The following NPR3 variants were observed in gnomAD, a reference collection of about 807,000 sequenced individuals.
NPR3 encodes the protein natriuretic peptide receptor 3.
A neutral mutation model predicts 54.5 loss-of-function variants in NPR3; 34 were observed. The ratio of observed to expected loss-of-function variants is 0.62; its 90% CI spans 0.47 to 0.83. NPR3 has a LOEUF of 0.83. Ranked by LOEUF, NPR3 falls within the 40% of genes least tolerant of loss-of-function variation. The pLI is 0.00. For missense variants in NPR3, 674 were observed against 720.8 expected, an observed-to-expected ratio of 0.94 and a Z score of 0.74; for synonymous variants, 289 against 297.1, an observed-to-expected ratio of 0.97 and a Z score of 0.28.
chr5:32,708,727 A>C (rs1048102086), upstream of NPR3, among the ~76,000 whole-genome samples: 2 of 152,202 alleles, frequency 1.3e-5, no homozygotes, highest in Admixed American at 6.5e-5. Context: ...TTGGTTGCAA[A>C]AATTCTAACT....
chr5:32,694,665 A>G (rs1740480881), intron 1 of NPR3, among the ~76,000 whole-genome samples: 1 of 152,230 alleles, frequency 6.6e-6, no homozygotes, highest in South Asian at 2.1e-4. Flanking sequence ...TGGGATATCC[A>G]TAACCTCAAG....
rs1048532971 is a variant in NPR3 at position 32,789,822 on chromosome 5, T to G, written c.*3477T>G. The G allele has an allele frequency of 4.1e-6, 2 of 487,046 alleles. No homozygotes were observed. The highest frequency in any genetic ancestry group is 4.5e-5 in the Admixed American group (2 of 44,718). 30.2% of individuals were successfully genotyped at this position (487,046 alleles called of 1,614,324 possible). A position where few individuals can be genotyped will look rare whatever the true frequency, so the allele number is the denominator to read the frequency against. ...AGTAGGTTCCAGTGGCGTCACTACC[T>G]TCTTGTAAGCCAGTATACACTGGCT... On this transcript the variant is annotated 3_prime_UTR_variant, in exon 8 of 8. Transcript: ENST00000265074.
At chr5:32,749,698 C>T (rs1300644818) in intron 3 of NPR3, among the ~76,000 whole-genome samples, 2 of 152,170 alleles carry the variant, frequency 1.3e-5, no homozygotes, top group African/African-American at 2.4e-5. Flanking sequence ...AAAGTCTCAC[C>T]TTTAGGACTG....
At chr5:32,715,458 CATACT>C (rs1331063381) in intron 1 of NPR3, among the ~76,000 whole-genome samples, 1 of 152,080 alleles carries the variant, frequency 6.6e-6, no homozygotes, top group Non-Finnish European at 1.5e-5. Flanking sequence ...TTTCACATGG[CATACT>C]GTAGAAAGAA....
Position 32,711,599 on chromosome 5 carries a change from G to A in NPR3, c.-178G>A. The A allele has an allele frequency of 8.0e-7, 1 of 1,243,930 alleles. No homozygotes were observed. Among genetic ancestry groups the A allele is most frequent in the East Asian group, 3.2e-5 (1 of 31,718 alleles). The allele number at this position is 1,243,930 out of a possible 1,614,324, so 77.1% of individuals were successfully genotyped here. On this transcript the variant is annotated 5_prime_UTR_variant, in exon 1 of 8. Transcript: ENST00000265074. ...TTTAAGAAAAACTAGTGACATTGCA[G>A]AGAAGGACGCTTCCTCTCTATCTTT...
At position 32,712,172 on chromosome 5, in the gene NPR3, G is replaced by C; in HGVS notation, c.396G>C (p.Leu132=). The C allele has an allele frequency of 6.2e-7, 1 of 1,613,228 alleles. No homozygotes were observed. Among genetic ancestry groups the C allele is most frequent in the Non-Finnish European group, 8.5e-7 (1 of 1,179,774 alleles). The change falls in exon 1 of 8, where the codon CTG becomes CTC. Residue 132 remains leucine, a synonymous_variant. Coordinates refer to ENST00000265074, the MANE Select transcript of NPR3 (RefSeq NM_001204375.2). ...GGGGCGCCAAGCCAGACCTTATCCTGGGGCCAGTGTGCGAGTATGCAGCAG... is the reference window on the plus strand; with the variant it reads ...GGGGCGCCAAGCCAGACCTTATCCTCGGGCCAGTGTGCGAGTATGCAGCAG... ...AARGAKPDLI[L]GPVCEYAAAP...
chr5:32,756,222 G>A (rs1334211815), intron 3 of NPR3, among the ~76,000 whole-genome samples: 3 of 152,224 alleles, frequency 2.0e-5, no homozygotes, highest in Non-Finnish European at 2.9e-5. Flanking sequence ...CCCACCAACA[G>A]TGTAAAAGTG....
Position 32,712,138 on chromosome 5 carries a change from C to T in NPR3, c.362C>T (p.Ala121Val), listed in dbSNP as rs1362759566. ...RALFSLVDRV[A>V]AARGAKPDLI... ...CTCTTCAGCTTGGTGGACCGCGTGG[C>T]GGCGGCGCGGGGCGCCAAGCCAGAC... Residue 121 changes from alanine (A) to valine (V), a missense_variant, in exon 1 of 8, where the codon GCG becomes GTG. By Grantham distance (64) the Ala-to-Val change is moderately conservative. Coordinates refer to ENST00000265074, the MANE Select transcript of NPR3 (RefSeq NM_001204375.2). 4 of 1,613,498 alleles carry T rather than the reference C, an allele frequency of 2.5e-6. No homozygotes were observed. The highest frequency in any genetic ancestry group is 3.4e-6 in the Non-Finnish European group (4 of 1,179,786).
chr5:32,730,254 A>G (rs1450711951), intron 2 of NPR3, among the ~76,000 whole-genome samples: 5 of 152,236 alleles, frequency 3.3e-5, no homozygotes, highest in Non-Finnish European at 7.3e-5. Context: ...TTTTAACAAA[A>G]TTCAACACTC....
intron 7 of NPR3, 125 bp from the exon 8 acceptor site, chr5:32,786,109 T>C: frequency 1.7e-6 from 1 of 594,400 alleles, no homozygotes; most frequent in South Asian, 2.3e-5. Context: ...GACCAGGGTT[T>C]CATATTCTGT....
At chr5:32,758,564 C>A (rs1365489789) in intron 3 of NPR3, among the ~76,000 whole-genome samples, 1 of 147,426 alleles carries the variant, frequency 6.8e-6, no homozygotes, top group Non-Finnish European at 1.5e-5. Context: ...CTCCTGGATG[C>A]ATTGATTTTT....
rs746756311 is a variant in NPR3, at chr5:32,774,671, G to A, written c.1060-37G>A. The A allele has an allele frequency of 2.6e-6, 4 of 1,553,092 alleles. No individual in the cohort carries two copies. The South Asian group carries it at 4.5e-5, about 17-fold the overall frequency. ...ATCTTATTCCTGGCATGAGTCACTT[G>A]GTGTTTTGGTTCACCCATCTGGGGT... is the stretch of plus-strand genomic sequence containing the variant. On this transcript the variant is annotated intron_variant, in intron 3 of 7. Transcript: ENST00000265074.
At chr5:32,775,034 C>T (rs1299907854) in intron 4 of NPR3, among the ~76,000 whole-genome samples, 191 bp downstream of exon 4, 2 of 152,134 alleles carry the variant, frequency 1.3e-5, no homozygotes, top group Non-Finnish European at 2.9e-5. Context: ...TGAACAAGCC[C>T]CACTGAAAGA....
intron 3 of NPR3, among the ~76,000 whole-genome samples, chr5:32,774,469 A>T (rs1741933672): frequency 6.6e-6 from 1 of 152,180 alleles, no homozygotes; most frequent in African/African-American, 2.4e-5. Flanking sequence ...CCTGGTCAAC[A>T]GGTACAGTTT....
At chr5:32,762,190 C>T (rs1330654895) in intron 3 of NPR3, among the ~76,000 whole-genome samples, 35 of 152,062 alleles carry the variant, frequency 2.3e-4, no homozygotes, top group Admixed American at 2.2e-3. Flanking sequence ...ATCCAGTCTA[C>T]CAGAGATGGG....
intron 2 of NPR3, among the ~76,000 whole-genome samples, chr5:32,725,344 A>G (rs1739085756): frequency 6.6e-6 from 1 of 152,230 alleles, no homozygotes; most frequent in African/African-American, 2.4e-5. Flanking sequence ...CATAAATGCA[A>G]TTTTGGAAAT....
At chr5:32,766,917 A>G (rs1201206267) in intron 3 of NPR3, among the ~76,000 whole-genome samples, 1 of 152,222 alleles carries the variant, frequency 6.6e-6, no homozygotes, top group African/African-American at 2.4e-5. Flanking sequence ...GTTGGTTTAA[A>G]GACCAGGTTG....
intron 4 of NPR3, among the ~76,000 whole-genome samples, chr5:32,777,846 T>C (rs1579702872): frequency 1.3e-5 from 2 of 152,148 alleles, no homozygotes; most frequent in Admixed American, 1.3e-4. Context: ...TAGAATCCAA[T>C]AGGATAATTC....
At chr5:32,724,143 A>G (rs1314792935) in intron 1 of NPR3, among the ~76,000 whole-genome samples, 1 of 152,226 alleles carries the variant, frequency 6.6e-6, no homozygotes, top group Non-Finnish European at 1.5e-5. Context: ...TATCTAGTGT[A>G]TGGAACTTGT....
Sources: gnomAD v4.1 joint callset for allele counts (sites outside exome capture counted in the v4.1 genomes callset) on GRCh38, gnomAD v4.1.1 for gene constraint, MANE v1.5 for transcripts, NCBI Gene and HGNC (gene_info 2026-07-23, HGNC 2026-07-21) for gene names.